Variants in FGFR3 observed in about 807,000 individuals in gnomAD.
FGFR3 encodes fibroblast growth factor receptor 3.
A neutral mutation model predicts 82.9 loss-of-function variants in FGFR3; 25 were observed. That is an observed-to-expected ratio of 0.30 (90% confidence interval 0.22 to 0.42). The LOEUF is 0.42. Among genes scored for constraint, FGFR3 ranks in the 10% least tolerant of loss-of-function variants. The pLI is 1.00. For synonymous variants in FGFR3, 620 were observed against 516.0 expected (o/e 1.20, Z -2.73); for missense variants, 1,026 against 1,161.0 (o/e 0.88, Z 1.69).
rs1242141310 is a variant in FGFR3 at position 1,807,192 on chromosome 4, G to A, written c.2351G>A (p.Gly784Glu). The change falls in exon 18 of 18, where the codon GGG becomes GAG. Residue 784 changes from glycine to glutamate, a missense_variant. This residue lies in a region of FGFR3 where 155 missense variants were observed against 150.2 expected (regional missense o/e 1.03). Transcript: ENST00000440486. The stretch of plus-strand genomic sequence containing the variant: ...GACACCCCCAGCTCCAGCTCCTCAG[G>A]GGACGACTCCGTGTTTGCCCACGAC... ...GQDTPSSSSS[G>E]DDSVFAHDLL... 9 of 1,607,472 alleles carry A rather than the reference G, an allele frequency of 5.6e-6. No homozygotes were observed. The Admixed American group carries it at 1.3e-4, about 24-fold the overall frequency.
chr4:1,798,104 C>T (rs1394661142), intron 2 of FGFR3, among the ~76,000 whole-genome samples: 3 of 152,068 alleles, frequency 2.0e-5, no homozygotes, highest in African/African-American at 7.2e-5. Flanking sequence ...GCGATTGTCC[C>T]CCCAGCCCTG....
At chr4:1,800,266 G>A (rs2108776702) in intron 4 of FGFR3, among the ~76,000 whole-genome samples, 1 of 151,992 alleles carries the variant, frequency 6.6e-6, no homozygotes, top group Non-Finnish European at 1.5e-5. Flanking sequence ...AGGGTGGCTG[G>A]TGGGTGGGCT....
chr4:1,804,023 G>T (rs1352753372), intron 8 of FGFR3, among the ~76,000 whole-genome samples, 187 bp downstream of exon 8: 1 of 152,168 alleles, frequency 6.6e-6, no homozygotes, highest in Admixed American at 6.5e-5. Context: ...TCCCAGAGGG[G>T]CCCCCTCAGC....
intron 2 of FGFR3, among the ~76,000 whole-genome samples, chr4:1,794,449 C>T (rs1027859902): frequency 2.6e-5 from 4 of 152,220 alleles, no homozygotes; most frequent in South Asian, 4.1e-4. Flanking sequence ...TTGTGGCCAG[C>T]TTCGGCCAAG....
chr4:1,806,005 G>C (rs776988041), intron 13 of FGFR3, 46 bp from the exon 14 acceptor site: 1 of 1,612,126 alleles, frequency 6.2e-7, no homozygotes, highest in South Asian at 1.1e-5. Flanking sequence ...GGGAGCAGCG[G>C]GGAGAGGTGG....
intron 9 of FGFR3, 25 bp downstream of exon 9, chr4:1,804,545 C>A: frequency 6.2e-7 from 1 of 1,609,836 alleles, no homozygotes; most frequent in Non-Finnish European, 8.5e-7. Context: ...ATACCAGGTT[C>A]TGAGCTGCCT....
intron 2 of FGFR3, among the ~76,000 whole-genome samples, chr4:1,797,160 A>C (rs1385515023): frequency 6.6e-5 from 10 of 152,164 alleles, no homozygotes; most frequent in Admixed American, 6.5e-4. Flanking sequence ...TTTGTGGATC[A>C]AGAAAGAAAG....
intron 4 of FGFR3, among the ~76,000 whole-genome samples, chr4:1,800,539 C>G (rs527262049): frequency 2.6e-5 from 4 of 152,050 alleles, no homozygotes; most frequent in Non-Finnish European, 5.9e-5. Flanking sequence ...AGAGAAACAG[C>G]TGGGGGAACT....
chr4:1,808,636 T>C lies in FGFR3; in HGVS notation c.*1374T>C. 4.3e-6 allele frequency: 1 copy of C among 231,848 alleles called. No homozygotes were observed. Among genetic ancestry groups the C allele is most frequent in the Non-Finnish European group, 8.6e-6 (1 of 116,906 alleles). 14.4% of individuals were successfully genotyped at this position (231,848 alleles called of 1,614,324 possible). A position where few individuals can be genotyped will look rare whatever the true frequency, so the allele number is the denominator to read the frequency against. ...GCTTCTAGAGTTTTATAGCCTGGAC[T>C]GCTACCTTTCAAAGCTTGGAGGGAA... On this transcript the variant is annotated 3_prime_UTR_variant, in exon 18 of 18. Coordinates refer to ENST00000440486, the MANE Select transcript of FGFR3 (RefSeq NM_000142.5).
intron 10 of FGFR3, 149 bp from the exon 11 acceptor site, chr4:1,805,206 C>T (rs1376714237): frequency 3.4e-6 from 5 of 1,457,114 alleles, no homozygotes; most frequent in Admixed American, 1.9e-5. Context: ...ACTCTTCGTC[C>T]TTACGAGCAG....
At chr4:1,803,938 C>T in intron 8 of FGFR3, 102 bp downstream of exon 8, 1 of 1,299,476 alleles carries the variant, frequency 7.7e-7, no homozygotes, top group Non-Finnish European at 1.1e-6. Flanking sequence ...TGACTTACGG[C>T]CGTCCCGCTT....
rs2108816885 is a variant in FGFR3, at chr4:1,807,116, G to C, written c.2275G>C (p.Glu759Gln). ...CGCTCACCCCGCCTCCCGCCAGCAG[G>C]AGTACCTGGACCTGTCGGCGCCTTT... The part of the protein sequence containing the change: ...DRVLTVTSTD[E>Q]YLDLSAPFEQ... Residue 759 changes from glutamate (E) to glutamine (Q), a missense_variant and splice_region_variant, in exon 18 of 18, where the codon GAG becomes CAG. Physicochemically the swap from Glu to Gln is conservative, Grantham distance 29. Around this residue, in one of 9 missense-constraint regions of FGFR3, gnomAD observed 155 missense variants for 150.2 expected, o/e 1.03. Transcript: ENST00000440486. 1 of 1,579,672 alleles carries C rather than the reference G, an allele frequency of 6.3e-7. No individual in the cohort carries two copies.
At chr4:1,802,781 G>A (rs1721354387) in intron 7 of FGFR3, 2 of 1,188,146 alleles carry the variant, frequency 1.7e-6, no homozygotes, top group Non-Finnish European at 2.3e-6. Flanking sequence ...GTGCCTCCAC[G>A]CCTCCTCCAG....
intron 2 of FGFR3, among the ~76,000 whole-genome samples, chr4:1,798,843 C>T (rs922079597): frequency 8.5e-5 from 13 of 152,312 alleles, no homozygotes; most frequent in African/African-American, 2.9e-4. Context: ...GCCCGCAGCA[C>T]CTGCCCGTCG....
chr4:1,799,700 C>G (rs765500761), intron 3 of FGFR3, 47 bp from the exon 4 acceptor site: 55 of 1,608,488 alleles, frequency 3.4e-5, no homozygotes, highest in Non-Finnish European at 4.6e-5. Context: ...ACCTGGGGGC[C>G]TCCTGGGGCA....
intron 15 of FGFR3, 64 bp from the exon 16 acceptor site, chr4:1,806,482 T>C: frequency 6.2e-7 from 1 of 1,612,008 alleles, no homozygotes; most frequent in Admixed American, 1.7e-5. Flanking sequence ...CCTATTCCCC[T>C]GGTGCCCGCC....
chr4:1,799,340 G>A lies in FGFR3; in HGVS notation c.196G>A (p.Gly66Ser), dbSNP rs759546081. Residue 66 changes from glycine to serine, a missense_variant, in exon 3 of 18, where the codon GGT (glycine) becomes AGT (serine). Gly to Ser is a moderately conservative substitution (Grantham distance 56). Transcript: ENST00000440486. Reference sequence around the variant, plus strand: ...GGAGCTGAGCTGTCCCCCGCCCGGGGGTGGTCCCATGGGGCCCACTGTCTG... The same window carrying A: ...GGAGCTGAGCTGTCCCCCGCCCGGGAGTGGTCCCATGGGGCCCACTGTCTG... ...AVELSCPPPGGGPMGPTVWVK... is the reference protein window; with the variant it reads ...AVELSCPPPGSGPMGPTVWVK... 1.2e-6 allele frequency: 2 copies of A among 1,612,618 alleles called. No individual in the cohort carries two copies. Among genetic ancestry groups the A allele is most frequent in the Admixed American group, 3.3e-5 (2 of 60,010 alleles).
chr4:1,798,507 C>T (rs561667146), intron 2 of FGFR3, among the ~76,000 whole-genome samples: 1 of 151,480 alleles, frequency 6.6e-6, no homozygotes, highest in East Asian at 2.0e-4. Flanking sequence ...CTGCAGGATA[C>T]AGAACCTTGC....
intron 2 of FGFR3, among the ~76,000 whole-genome samples, chr4:1,798,512 C>A (rs533593716): frequency 2.6e-5 from 4 of 151,446 alleles, no homozygotes; most frequent in African/African-American, 7.3e-5. Context: ...GGATACAGAA[C>A]CTTGCCCACC....
Sources: allele counts gnomAD v4.1 joint callset (sites outside exome capture counted in the v4.1 genomes callset), GRCh38; gene constraint gnomAD v4.1.1; regional missense constraint gnomAD v4.1.1; transcripts MANE v1.5; gene names NCBI Gene and HGNC (gene_info 2026-07-23, HGNC 2026-07-21).